TMIGD3: variants seen among roughly 807,000 people sequenced by gnomAD.
TMIGD3 encodes transmembrane and immunoglobulin domain containing 3.
A neutral mutation model predicts 28.1 loss-of-function variants in TMIGD3; 21 were observed. That is an observed-to-expected ratio of 0.75 (90% CI 0.53 to 1.08). The LOEUF (loss-of-function observed/expected upper bound fraction) is 1.08, where lower values mean the gene tolerates loss of function less well. TMIGD3 is among the 50% of genes least tolerant of loss of function. The pLI is 0.00. For synonymous variants in TMIGD3, 151 were observed against 162.1 expected, an observed-to-expected ratio of 0.93 and a Z score of 0.52; for missense variants, 416 against 435.6, an observed-to-expected ratio of 0.96 and a Z score of 0.40.
In TMIGD3 at chr1:111,485,716, C is replaced by A; in HGVS notation, c.973+24G>T. 6 of 1,204,326 alleles carry A rather than the reference C, an allele frequency of 5.0e-6. No homozygotes were observed. The South Asian group carries it at 5.1e-5, about 10-fold the overall frequency. The allele number at this position is 1,204,326 out of a possible 1,614,324, so 74.6% of individuals were successfully genotyped here. A position where few individuals can be genotyped will look rare whatever the true frequency, so the allele number is the denominator to read the frequency against. On this transcript the variant is annotated intron_variant, in intron 5 of 5. Transcript: ENST00000369716. The stretch of plus-strand genomic sequence containing the variant: ...CATTTTCTCTAATTCTTGCCCACCC[C>A]CTCCCTCAACAATAGCTACTTACCC...
At chr1:111,486,757 C>G (rs1252065468) in intron 3 of TMIGD3, 105 bp from the exon 4 acceptor site, 1 of 951,658 alleles carries the variant, frequency 1.1e-6, no homozygotes, top group East Asian at 2.4e-5. Flanking sequence ...GAGAGTGAGT[C>G]CCCTGGTTGA....
intron 1 of TMIGD3, among the ~76,000 whole-genome samples, chr1:111,518,229 G>C (rs1205307324): frequency 6.6e-6 from 1 of 152,170 alleles, no homozygotes; most frequent in Non-Finnish European, 1.5e-5. Context: ...CCAGAATCTG[G>C]GTTTTAATCA....
chr1:111,503,613 T>C lies in TMIGD3; in HGVS notation c.-259A>G. 7.6e-7 allele frequency: 1 copy of C among 1,310,812 alleles called. No homozygotes were observed. The highest frequency in any genetic ancestry group is 9.8e-7 in the Non-Finnish European group (1 of 1,022,480). 81.2% of individuals were successfully genotyped at this position (1,310,812 alleles called of 1,614,324 possible). A position where few individuals can be genotyped will look rare whatever the true frequency, so the allele number is the denominator to read the frequency against. On this transcript the variant is annotated 5_prime_UTR_variant, in exon 1 of 6. Transcript: ENST00000369716. ...ACATCCTCAAGTTTCCAGAATGCTG[T>C]AGGACAGCTCTATATGGACTGAATC... is the stretch of plus-strand genomic sequence containing the variant.
intron 1 of TMIGD3, chr1:111,499,585 T>A: frequency 9.7e-7 from 1 of 1,033,182 alleles, no homozygotes; most frequent in African/African-American, 1.7e-5. Flanking sequence ...TGGAAATGAG[T>A]CACCACCACA....
intron 1 of TMIGD3, among the ~76,000 whole-genome samples, chr1:111,515,444 A>C (rs1173255562): frequency 6.6e-6 from 1 of 152,202 alleles, no homozygotes; most frequent in Non-Finnish European, 1.5e-5. Flanking sequence ...GAGGCTGTTC[A>C]TGCCCTGGTT....
At chr1:111,556,589 A>G (rs1657500836) in intron 1 of TMIGD3, among the ~76,000 whole-genome samples, 1 of 152,220 alleles carries the variant, frequency 6.6e-6, no homozygotes, top group Admixed American at 6.5e-5. Flanking sequence ...AGGAAATTCC[A>G]ACACAAGCTA....
intron 1 of TMIGD3, among the ~76,000 whole-genome samples, chr1:111,558,648 T>C (rs1429167491): frequency 6.8e-6 from 1 of 147,030 alleles, no homozygotes; most frequent in African/African-American, 2.7e-5. Context: ...AGACAAAAAT[T>C]TTGCTAAAAT....
At chr1:111,508,526 A>C (rs1000716239), upstream of TMIGD3, among the ~76,000 whole-genome samples, 7 of 152,196 alleles carry the variant, frequency 4.6e-5, no homozygotes, top group African/African-American at 1.7e-4. Context: ...AGAAGTGAGA[A>C]TCAAGGGAAG....
intron 1 of TMIGD3, among the ~76,000 whole-genome samples, chr1:111,541,666 GAGAGAGAGAGAGAA>G (rs1440417091): frequency 7.9e-5 from 11 of 138,750 alleles, no homozygotes; most frequent in African/African-American, 1.7e-4. Flanking sequence ...CAAGGAAAAT[GAGAGAGAGAGAGAA>G]AGAGAGAGAG....
chr1:111,489,509 T>G (rs61002431), intron 2 of TMIGD3: 177,848 of 925,112 alleles, frequency 0.19, 18,919 homozygotes, highest in African/African-American at 0.4. Context: ...TGTTTTAGCC[T>G]CCCAGACTGT....
At chr1:111,519,671 C>A (rs1007027119) in intron 1 of TMIGD3, among the ~76,000 whole-genome samples, 1 of 151,788 alleles carries the variant, frequency 6.6e-6, no homozygotes, top group Non-Finnish European at 1.5e-5. Context: ...CTCCCTTTCC[C>A]TCCCCGAGCT....
intron 1 of TMIGD3, among the ~76,000 whole-genome samples, chr1:111,562,591 C>T (rs1657783860): frequency 6.6e-6 from 1 of 152,222 alleles, no homozygotes; most frequent in African/African-American, 2.4e-5. Flanking sequence ...ACTTGTGTCC[C>T]ATAAACATCC....
intron 1 of TMIGD3, among the ~76,000 whole-genome samples, chr1:111,547,763 CT>C (rs1657088950): frequency 6.6e-6 from 1 of 152,132 alleles, no homozygotes; most frequent in Non-Finnish European, 1.5e-5. Flanking sequence ...CAAAATTGAC[CT>C]TGTTTGATGA....
At chr1:111,550,418 A>T (rs776266377) in intron 1 of TMIGD3, among the ~76,000 whole-genome samples, 3 of 151,964 alleles carry the variant, frequency 2.0e-5, no homozygotes, top group African/African-American at 4.8e-5. Context: ...ATGGAAGATC[A>T]TGTTGTTGAT....
chr1:111,539,439 A>G (rs1656744859), intron 1 of TMIGD3, among the ~76,000 whole-genome samples: 1 of 152,182 alleles, frequency 6.6e-6, no homozygotes, highest in African/African-American at 2.4e-5. Context: ...CTGGGACTAC[A>G]GGTGTGCACC....
At chr1:111,547,689 A>G (rs965519078) in intron 1 of TMIGD3, among the ~76,000 whole-genome samples, 3 of 152,228 alleles carry the variant, frequency 2.0e-5, no homozygotes, top group African/African-American at 7.2e-5. Flanking sequence ...TATAGGAAGA[A>G]GTCAGAAGGA....
At chr1:111,506,762 G>C (rs1446514943), upstream of TMIGD3, among the ~76,000 whole-genome samples, 1 of 151,964 alleles carries the variant, frequency 6.6e-6, no homozygotes, top group African/African-American at 2.4e-5. Context: ...CTCTGAGCTA[G>C]GAAGAGATGG....
intron 1 of TMIGD3, among the ~76,000 whole-genome samples, chr1:111,497,587 A>T (rs528921578): frequency 6.6e-6 from 1 of 152,290 alleles, no homozygotes; most frequent in East Asian, 1.9e-4. Flanking sequence ...CGTTAGACAA[A>T]GATAAAAAAC....
At position 111,503,623 on chromosome 1, in the gene TMIGD3, C is replaced by G; in HGVS notation, c.-269G>C. ...GTTTCCAGAATGCTGTAGGACAGCT[C>G]TATATGGACTGAATCTGAAAGTGCT... On this transcript the variant is annotated 5_prime_UTR_variant, in exon 1 of 6. Coordinates refer to ENST00000369716, the MANE Select transcript of TMIGD3 (RefSeq NM_020683.7). 8.1e-7 allele frequency: 1 copy of G among 1,228,040 alleles called. No homozygotes were observed. The highest frequency in any genetic ancestry group is 1.0e-6 in the Non-Finnish European group (1 of 975,128). The allele number at this position is 1,228,040 out of a possible 1,614,324, so 76.1% of individuals were successfully genotyped here.
Sources: gnomAD v4.1 joint callset for allele counts (sites outside exome capture counted in the v4.1 genomes callset) on GRCh38, gnomAD v4.1.1 for gene constraint, MANE v1.5 for transcripts, NCBI Gene and HGNC (gene_info 2026-07-23, HGNC 2026-07-21) for gene names.